Variants in NLRP3 observed in about 807,000 individuals in gnomAD.
NLRP3 encodes the protein NACHT, LRR and PYD domains-containing protein 3.
Under a neutral mutation model 91.3 loss-of-function variants are expected in NLRP3, and 48 were observed. The observed-to-expected ratio is 0.53, with a 90% CI of 0.42 to 0.67. NLRP3 has a LOEUF of 0.67. Among genes scored for constraint, NLRP3 ranks in the 30% least tolerant of loss-of-function variants. The probability of loss-of-function intolerance (pLI) is 0.00; values close to 1 mark genes in which losing one functional copy is unlikely to be tolerated. For missense variants in NLRP3, 982 were observed against 1,276.9 expected, an observed-to-expected ratio of 0.77 and a Z score of 3.52; for synonymous variants, 561 against 507.9, an observed-to-expected ratio of 1.10 and a Z score of -1.41.
intron 2 of NLRP3, among the ~76,000 whole-genome samples, chr1:247,422,000 T>TA (rs112253302): frequency 1.3e-4 from 20 of 151,498 alleles, no homozygotes; most frequent in Admixed American, 8.6e-4. Context: ...CTCTGTCTCT[T>TA]AAAAAAAAAG....
chr1:247,441,417 TG>T (rs1664235004), intron 7 of NLRP3, among the ~76,000 whole-genome samples: 1 of 152,014 alleles, frequency 6.6e-6, no homozygotes, highest in South Asian at 2.1e-4. Flanking sequence ...ATGTTTAAAA[TG>T]TTTAAAATTT....
intron 9 of NLRP3, among the ~76,000 whole-genome samples, chr1:247,446,834 T>C (rs55977159): frequency 0.21 from 31,814 of 152,208 alleles, 4,376 homozygotes; most frequent in African/African-American, 0.39. Context: ...GGCTGAGAAC[T>C]TGTTGGAATG....
intron 6 of NLRP3, 99 bp from the exon 7 acceptor site, chr1:247,435,871 G>A: frequency 2.7e-6 from 3 of 1,106,366 alleles, no homozygotes; most frequent in Admixed American, 3.4e-5. Flanking sequence ...CTTTCCATGT[G>A]TAAACTGGAG....
rs116821966 is a variant in NLRP3 at position 247,426,037 on chromosome 1, G to A, written c.2150+438G>A. Among the ~76,000 whole-genome samples the A allele has an allele frequency of 6.8e-3, 1,033 of 152,286 alleles. 11 individuals are homozygous for A. The highest frequency in any genetic ancestry group is 0.022 in the African/African-American group (933 of 41,556). ...GGCTGGGGGGATGTTTCTTAGAAAT[G>A]TGCAATCTAAGCCTCCTTTAAGGAA... On this transcript the variant is annotated intron_variant, in intron 4 of 9. Transcript: ENST00000336119.
Position 247,423,354 on chromosome 1 carries a change from G to T in NLRP3, c.397+5G>T, listed in dbSNP as rs1232636611. 2 of 1,613,906 alleles carry T rather than the reference G, an allele frequency of 1.2e-6. No homozygotes were observed. The highest frequency in any genetic ancestry group is 1.7e-6 in the Non-Finnish European group (2 of 1,179,918). On this transcript the variant is annotated splice_donor_5th_base_variant and intron_variant, in intron 3 of 9. Transcript: ENST00000336119. ...CTATTTGTAAAATGAAGAAAGGTAA[G>T]CGACTGGGGTGGTGCTTCTAGTTGA...
At position 247,424,021 on chromosome 1, in the gene NLRP3, C is replaced by T. The variant is rs1267293210; in HGVS notation, c.572C>T (p.Thr191Ile). 6.2e-7 allele frequency: 1 copy of T among 1,613,872 alleles called. No homozygotes were observed. Among genetic ancestry groups the T allele is most frequent in the Non-Finnish European group, 8.5e-7 (1 of 1,179,990 alleles). ...REQELLAIGKTKTCESPVSPI... is the reference protein window; with the variant it reads ...REQELLAIGKIKTCESPVSPI... ...CAGGAGCTTCTGGCCATCGGCAAGA[C>T]CAAGACGTGTGAGAGCCCCGTGAGT... Residue 191 changes from threonine to isoleucine, a missense_variant, in exon 4 of 10, where the codon ACC becomes ATC. This residue lies in a region of NLRP3 where 548 missense variants were observed against 713.7 expected (regional missense o/e 0.77). Transcript: ENST00000336119. The surrounding 1 kb of genome is among the most constrained non-coding windows in gnomAD (Gnocchi z 8.1).
intron 7 of NLRP3, among the ~76,000 whole-genome samples, chr1:247,441,111 TTCTC>T (rs201907901): frequency 0.07 from 9,433 of 135,146 alleles, 389 homozygotes; most frequent in Admixed American, 0.15. Flanking sequence ...CCTCCTTTCT[TTCTC>T]TCTTTTTCTT....
intron 8 of NLRP3, 59 bp downstream of exon 8, chr1:247,444,201 G>T: frequency 6.4e-7 from 1 of 1,553,078 alleles, no homozygotes; most frequent in Non-Finnish European, 8.9e-7. Flanking sequence ...GTGGAGGGAC[G>T]TTTAGGCAGA....
chr1:247,428,183 AG>A (rs1663044423), intron 4 of NLRP3, among the ~76,000 whole-genome samples: 1 of 149,136 alleles, frequency 6.7e-6, no homozygotes, highest in African/African-American at 2.6e-5. Context: ...CCTTACTCTG[AG>A]GACAGACTCT....
rs745872797 is a variant in NLRP3 at position 247,444,130 on chromosome 1, T to C, written c.2822T>C (p.Leu941Pro). The C allele has an allele frequency of 6.2e-7, 1 of 1,614,090 alleles. No homozygotes were observed. The highest frequency in any genetic ancestry group is 1.3e-5 in the African/African-American group (1 of 74,936). Residue 941 changes from leucine to proline, a missense_variant, in exon 8 of 10, where the codon CTT becomes CCT. Physicochemically the swap from Leu to Pro is moderately conservative, Grantham distance 98. This residue lies in a region of NLRP3 where 373 missense variants were observed against 431.5 expected (regional missense o/e 0.86). Coordinates refer to ENST00000336119, the MANE Select transcript of NLRP3 (RefSeq NM_001243133.2). ...GGACTCTTGCACCCCGACTGCAAGC[T>C]TCAGGTGTTGGAGTAAGTCCTTTGG... ...CEGLLHPDCK[L>P]QVLELDNCNL...
At position 247,448,794 on chromosome 1, in the gene NLRP3, T is replaced by C; in HGVS notation, c.*290T>C. The C allele has an allele frequency of 2.3e-6, 1 of 442,240 alleles. No individual in the cohort carries two copies. The highest frequency in any genetic ancestry group is 4.0e-5 in the East Asian group (1 of 24,838). 27.4% of individuals were successfully genotyped at this position (442,240 alleles called of 1,614,324 possible). A position where few individuals can be genotyped will look rare whatever the true frequency, so the allele number is the denominator to read the frequency against. ...TGGTGACCTCATGTAATTAGCTCAT[T>C]CAATAAAGCACTTTCTTTATTTTTC... On this transcript the variant is annotated 3_prime_UTR_variant, in exon 10 of 10. Coordinates refer to ENST00000336119, the MANE Select transcript of NLRP3 (RefSeq NM_001243133.2).
At position 247,448,400 on chromosome 1, in the gene NLRP3, T is replaced by C. The variant is rs1664742035; in HGVS notation, c.3006-5T>C. On this transcript the variant is annotated splice_region_variant and splice_polypyrimidine_tract_variant and intron_variant, in intron 9 of 9. Transcript: ENST00000336119. ...GCAACCCAGGCTTTCTATTTGCTTTTACAGGTTGTCTGAAATGTATTTCAA... is the reference window on the plus strand; with the variant it reads ...GCAACCCAGGCTTTCTATTTGCTTTCACAGGTTGTCTGAAATGTATTTCAA... 1 of 1,570,654 alleles carries C rather than the reference T, an allele frequency of 6.4e-7. No individual in the cohort carries two copies. Among genetic ancestry groups the C allele is most frequent in the African/African-American group, 1.4e-5 (1 of 73,970 alleles).
rs542461366 is a variant in NLRP3, at chr1:247,425,763, G to A, written c.2150+164G>A. On this transcript the variant is annotated intron_variant, in intron 4 of 9. Transcript: ENST00000336119. This position sits in a 1 kb window ranked among gnomAD's most constrained non-coding sequence, Gnocchi z 4.1. The stretch of plus-strand genomic sequence containing the variant: ...TGAGACTCCTTCATGAGCAAAGATT[G>A]ATGTATGGTAGGTGGATAAATGGGA... 16 of 682,642 alleles carry A rather than the reference G, an allele frequency of 2.3e-5. No individual in the cohort carries two copies. In the African/African-American group the frequency reaches 2.9e-4, roughly 12 times the overall value. The allele number at this position is 682,642 out of a possible 1,614,324, so 42.3% of individuals were successfully genotyped here. A position where few individuals can be genotyped will look rare whatever the true frequency, so the allele number is the denominator to read the frequency against.
At chr1:247,441,036 A>C (rs79626776) in intron 7 of NLRP3, among the ~76,000 whole-genome samples, 4 of 152,082 alleles carry the variant, frequency 2.6e-5, no homozygotes, top group East Asian at 3.9e-4. Context: ...GCACACAATA[A>C]ATACTCAAAA....
intron 2 of NLRP3, among the ~76,000 whole-genome samples, chr1:247,420,148 C>T (rs184141530): frequency 3.8e-3 from 581 of 152,196 alleles, no homozygotes; most frequent in Non-Finnish European, 6.6e-3. Context: ...GTTTTGATTT[C>T]CGTTTCCCTA....
At chr1:247,438,604 G>A (rs973579826) in intron 7 of NLRP3, among the ~76,000 whole-genome samples, 2 of 152,118 alleles carry the variant, frequency 1.3e-5, no homozygotes, top group East Asian at 1.9e-4. Flanking sequence ...GGCTGGTCTC[G>A]AATTTCTGAC....
intron 4 of NLRP3, among the ~76,000 whole-genome samples, chr1:247,428,299 A>G (rs190933420): frequency 8.0e-4 from 122 of 152,322 alleles, no homozygotes; most frequent in Admixed American, 2.3e-3. Context: ...CTCAGCACCC[A>G]TCTTTCTAGA....
At chr1:247,433,575 G>A (rs1201466027) in intron 5 of NLRP3, among the ~76,000 whole-genome samples, 4 of 152,028 alleles carry the variant, frequency 2.6e-5, no homozygotes, top group Non-Finnish European at 5.9e-5. Flanking sequence ...TGTGCCTTGT[G>A]CTGTATTCCG....
At chr1:247,431,517 C>T (rs1663325611) in intron 5 of NLRP3, among the ~76,000 whole-genome samples, 2 of 152,204 alleles carry the variant, frequency 1.3e-5, no homozygotes, top group African/African-American at 2.4e-5. Flanking sequence ...TCACCACTTG[C>T]CTGGACACGC....
Sources: allele counts gnomAD v4.1 joint callset (sites outside exome capture counted in the v4.1 genomes callset), GRCh38; gene constraint gnomAD v4.1.1; regional missense constraint gnomAD v4.1.1; non-coding constraint Gnocchi (gnomAD v3.1); transcripts MANE v1.5; gene names NCBI Gene and HGNC (gene_info 2026-07-23, HGNC 2026-07-21).